Variants in DSC3 observed in about 807,000 individuals in gnomAD.
DSC3 encodes the protein desmocollin-3.
In DSC3, 97 loss-of-function variants were observed where a neutral mutation model predicts 89.5. The observed-to-expected ratio is 1.08, with a 90% confidence interval of 0.92 to 1.28. The LOEUF (loss-of-function observed/expected upper bound fraction) is 1.28. Ranked by LOEUF, DSC3 falls within the 50% of genes most tolerant of loss-of-function variation. The probability of loss-of-function intolerance (pLI) is 0.00; values close to 1 mark genes in which losing one functional copy is unlikely to be tolerated. For missense variants in DSC3, 1,199 were observed against 1,085.3 expected, an observed-to-expected ratio of 1.10 and a Z score of -1.47; for synonymous variants, 436 against 384.1, an observed-to-expected ratio of 1.14 and a Z score of -1.58.
intron 14 of DSC3, among the ~76,000 whole-genome samples, chr18:31,000,435 G>C (rs1426451645): frequency 6.6e-6 from 1 of 152,174 alleles, no homozygotes; most frequent in East Asian, 1.9e-4. Flanking sequence ...TACTGACTCA[G>C]CTTCACGCTG....
chr18:31,041,107 C>A (rs1394381913), intron 1 of DSC3, among the ~76,000 whole-genome samples: 1 of 152,168 alleles, frequency 6.6e-6, no homozygotes, highest in Non-Finnish European at 1.5e-5. Flanking sequence ...CACCCCCACC[C>A]ATGCCTTGCC....
rs749920362 is a variant in DSC3 at position 31,042,526 on chromosome 18, G to C, written c.69+66C>G. 2.7e-6 allele frequency: 4 copies of C among 1,475,694 alleles called. No homozygotes were observed. The Admixed American group carries it at 5.9e-5, about 22-fold the overall frequency. The allele number at this position is 1,475,694 out of a possible 1,614,324, so 91.4% of individuals were successfully genotyped here. A position where few individuals can be genotyped will look rare whatever the true frequency, so the allele number is the denominator to read the frequency against. ...TTCGGCCCGCTTTGTCCCCAGCTCC[G>C]TGCAGCGTCCAGGGCGGATCCACCC... On this transcript the variant is annotated intron_variant, in intron 1 of 15. Coordinates refer to ENST00000360428, the MANE Select transcript of DSC3 (RefSeq NM_001941.5).
chr18:31,023,229 A>T (rs994554836), intron 6 of DSC3, among the ~76,000 whole-genome samples: 3 of 152,194 alleles, frequency 2.0e-5, no homozygotes, highest in Non-Finnish European at 4.4e-5. Flanking sequence ...TATAATGTCA[A>T]TGTAATGTCA....
rs1272803854 is a variant in DSC3 at position 30,997,058 on chromosome 18, T to G, written c.2236-10A>C. On this transcript the variant is annotated splice_polypyrimidine_tract_variant and intron_variant, in intron 14 of 15. Transcript: ENST00000360428. ...ATCCATTGGCAGAGCACTGAAATAATAAAATGAAATAATTCATGTTGAGAG... is the reference window on the plus strand; with the variant it reads ...ATCCATTGGCAGAGCACTGAAATAAGAAAATGAAATAATTCATGTTGAGAG... 6.2e-7 allele frequency: 1 copy of G among 1,614,094 alleles called. No individual in the cohort carries two copies. Among genetic ancestry groups the G allele is most frequent in the Non-Finnish European group, 8.5e-7 (1 of 1,179,970 alleles).
intron 6 of DSC3, 90 bp from the exon 7 acceptor site, chr18:31,022,592 A>G (rs1985462726): frequency 2.8e-6 from 4 of 1,437,818 alleles, no homozygotes; most frequent in South Asian, 2.4e-5. Flanking sequence ...GTTAACAGTG[A>G]TGATAGAAAC....
chr18:31,025,412 T>C (rs187924619), intron 5 of DSC3, among the ~76,000 whole-genome samples: 2 of 152,224 alleles, frequency 1.3e-5, no homozygotes, highest in Admixed American at 6.5e-5. Flanking sequence ...CAATCAACTG[T>C]AGACATGTCT....
chr18:30,996,510 G>C (rs1984471337), intron 15 of DSC3, among the ~76,000 whole-genome samples: 1 of 151,798 alleles, frequency 6.6e-6, no homozygotes, highest in African/African-American at 2.4e-5. Flanking sequence ...ATATCAAAAG[G>C]GTTCATGAGG....
intron 4 of DSC3, among the ~76,000 whole-genome samples, chr18:31,028,782 G>C (rs1286066184): frequency 6.6e-6 from 1 of 152,096 alleles, no homozygotes; most frequent in Non-Finnish European, 1.5e-5. Flanking sequence ...TCAGTAATCT[G>C]CTTAAGAATT....
chr18:31,008,467 G>T lies in DSC3; in HGVS notation c.1322C>A (p.Ala441Glu). The T allele has an allele frequency of 1.9e-6, 3 of 1,614,086 alleles. No individual in the cohort carries two copies. Among genetic ancestry groups the T allele is most frequent in the Non-Finnish European group, 2.5e-6 (3 of 1,180,016 alleles). The change falls in exon 10 of 16, where the codon GCG (alanine) becomes GAG (glutamate). Residue 441 changes from alanine (A) to glutamate (E), a missense_variant. Physicochemically the swap from Ala to Glu is moderately radical, Grantham distance 107. Transcript: ENST00000360428. ...TCTGGGAATATCTCTAGCAAATGGC[G>T]CTTCATTGTTTACTCCAATTTCCAG... ...VNLEIGVNNEAPFARDIPRVT... is the reference protein window; with the variant it reads ...VNLEIGVNNEEPFARDIPRVT...
chr18:31,010,276 CTGTT>C (rs1181084988), intron 9 of DSC3, among the ~76,000 whole-genome samples: 1 of 152,114 alleles, frequency 6.6e-6, no homozygotes, highest in Non-Finnish European at 1.5e-5. Context: ...ATATTAATAT[CTGTT>C]CGTTTGATGC....
intron 15 of DSC3, 52 bp from the exon 16 acceptor site, chr18:30,994,424 T>C: frequency 6.3e-7 from 1 of 1,589,748 alleles, no homozygotes; most frequent in Non-Finnish European, 8.6e-7. Flanking sequence ...ACAACTTAAA[T>C]ATATGAACAT....
chr18:31,041,829 G>T (rs1986142182), intron 1 of DSC3, among the ~76,000 whole-genome samples: 1 of 152,076 alleles, frequency 6.6e-6, no homozygotes, highest in Non-Finnish European at 1.5e-5. Context: ...CCTCCCCGGA[G>T]CCGGAGTAAG....
intron 9 of DSC3, 102 bp from the exon 10 acceptor site, chr18:31,008,627 C>A: frequency 6.9e-7 from 1 of 1,450,268 alleles, no homozygotes; most frequent in South Asian, 1.2e-5. Flanking sequence ...TGCATAAATT[C>A]TATGTTCACA....
chr18:30,996,188 T>C (rs1383125223), intron 15 of DSC3, among the ~76,000 whole-genome samples: 4 of 152,036 alleles, frequency 2.6e-5, no homozygotes, highest in Non-Finnish European at 4.4e-5. Flanking sequence ...GTATATGTTA[T>C]ATTTCAAAAT....
At chr18:31,016,059 C>G (rs999011820) in intron 9 of DSC3, among the ~76,000 whole-genome samples, 1 of 152,182 alleles carries the variant, frequency 6.6e-6, no homozygotes, top group African/African-American at 2.4e-5. Context: ...TGATGGTTTA[C>G]AAATGCCACG....
chr18:30,999,612 T>G (rs920282462), intron 14 of DSC3, among the ~76,000 whole-genome samples: 3 of 152,234 alleles, frequency 2.0e-5, no homozygotes, highest in Non-Finnish European at 4.4e-5. Flanking sequence ...TTTTATTCTC[T>G]GCTCCTTTCT....
Position 31,017,409 on chromosome 18 carries a change from A to T in DSC3, c.1263+662T>A, listed in dbSNP as rs576000330. ...CTGGGCTAGAAGTATAAAACCAATGATCCTTTTCAAACAGATCCCTTCCTA... is the reference window on the plus strand; with the variant it reads ...CTGGGCTAGAAGTATAAAACCAATGTTCCTTTTCAAACAGATCCCTTCCTA... On this transcript the variant is annotated intron_variant, in intron 9 of 15. Coordinates refer to ENST00000360428, the MANE Select transcript of DSC3 (RefSeq NM_001941.5). Among the ~76,000 whole-genome samples, 11 of 152,328 alleles carry T rather than the reference A, an allele frequency of 7.2e-5. No homozygotes were observed. The South Asian group carries it at 2.3e-3, about 32-fold the overall frequency.
At chr18:31,009,255 C>T (rs144442181) in intron 9 of DSC3, among the ~76,000 whole-genome samples, 56 of 124,484 alleles carry the variant, frequency 4.5e-4, no homozygotes, top group African/African-American at 1.8e-3. Flanking sequence ...TGGGGTTCTG[C>T]CATCTTAGGC....
chr18:30,997,722 G>A (rs569842674), intron 14 of DSC3, among the ~76,000 whole-genome samples: 1 of 152,108 alleles, frequency 6.6e-6, no homozygotes, highest in Admixed American at 6.5e-5. Context: ...CTACTATGTG[G>A]GTGAGCACAA....
Sources: allele counts gnomAD v4.1 joint callset (sites outside exome capture counted in the v4.1 genomes callset), GRCh38; gene constraint gnomAD v4.1.1; transcripts MANE v1.5; gene names NCBI Gene and HGNC (gene_info 2026-07-23, HGNC 2026-07-21).